Variants in KIAA1328 observed in about 807,000 individuals in gnomAD.
The protein encoded by KIAA1328 is protein hinderin.
In KIAA1328, 52 loss-of-function variants were observed where a neutral mutation model predicts 68.1. The observed-to-expected ratio is 0.76, with a 90% CI of 0.61 to 0.96. The LOEUF is 0.96. Among genes scored for constraint, KIAA1328 ranks in the 40% least tolerant of loss-of-function variants. The pLI is 0.00. For synonymous variants in KIAA1328, 232 were observed against 239.4 expected (o/e 0.97, Z 0.28); for missense variants, 641 against 677.6 (o/e 0.95, Z 0.60).
rs1278485974 is a variant in KIAA1328 at position 37,067,412 on chromosome 18, A to G, written c.1099A>G (p.Lys367Glu). Residue 367 changes from lysine to glutamate, a missense_variant, in exon 7 of 10, where the codon AAG (lysine) becomes GAG (glutamate). Physicochemically the swap from Lys to Glu is moderately conservative, Grantham distance 56. Coordinates refer to ENST00000280020, the MANE Select transcript of KIAA1328 (RefSeq NM_020776.3). Reference protein sequence around the residue: ...TLKKQISEDRKQQLMLQKMEL... With the variant: ...TLKKQISEDREQQLMLQKMEL... ...GAAAAAGCAGATCTCAGAAGATAGA[A>G]AGCAGCAACTGATGCTTCAGAAAAT... The G allele has an allele frequency of 6.2e-7, 1 of 1,610,526 alleles. No homozygotes were observed. The highest frequency in any genetic ancestry group is 8.5e-7 in the Non-Finnish European group (1 of 1,178,150).
intron 4 of KIAA1328, among the ~76,000 whole-genome samples, chr18:36,845,560 T>C (rs889653339): frequency 7.3e-5 from 11 of 151,716 alleles, no homozygotes; most frequent in African/African-American, 2.7e-4. Context: ...TAAAGGAAGC[T>C]GCAGACTGAG....
rs371086546 is a variant in KIAA1328 at position 37,070,342 on chromosome 18, T to C, written c.1232+2797T>C. 6.1e-4 allele frequency among the ~76,000 whole-genome samples: 93 copies of C among 152,306 alleles called. 1 individual carries two copies. The South Asian group carries it at 0.019, about 31-fold the overall frequency. ...TGTATCCTATTATTTGACAGTATTG[T>C]TGAGTTCTTCTATATTCTTGCTGAT... is the stretch of plus-strand genomic sequence containing the variant. On this transcript the variant is annotated intron_variant, in intron 7 of 9. Coordinates refer to ENST00000280020, the MANE Select transcript of KIAA1328 (RefSeq NM_020776.3).
Position 36,855,972 on chromosome 18 carries a change from G to A in KIAA1328, c.332+11670G>A, listed in dbSNP as rs140267507. Among the ~76,000 whole-genome samples, 391 of 151,744 alleles carry A rather than the reference G, an allele frequency of 2.6e-3. 2 individuals are homozygous for A. Among genetic ancestry groups the A allele is most frequent in the Middle Eastern group, 0.02 (6 of 294 alleles). On this transcript the variant is annotated intron_variant, in intron 4 of 9. Transcript: ENST00000280020. Reference sequence around the variant, plus strand: ...CCAGATATTGGATTGTTAGTTAACAGGATTTTTTTTTTCTTTCAGGATTTA... The same window carrying A: ...CCAGATATTGGATTGTTAGTTAACAAGATTTTTTTTTTCTTTCAGGATTTA...
At chr18:36,931,996 C>T (rs2050327141) in intron 5 of KIAA1328, among the ~76,000 whole-genome samples, 1 of 151,202 alleles carries the variant, frequency 6.6e-6, no homozygotes. Flanking sequence ...AACAGGTAAA[C>T]CATATGTACT....
intron 7 of KIAA1328, among the ~76,000 whole-genome samples, chr18:37,081,785 T>G (rs1234243122): frequency 6.6e-6 from 1 of 152,210 alleles, no homozygotes; most frequent in Non-Finnish European, 1.5e-5. Flanking sequence ...GCCATACCTT[T>G]TCCTCCGATT....
downstream of KIAA1328, chr18:37,230,277 G>A (rs1568560491): frequency 6.6e-6 from 1 of 152,230 alleles, no homozygotes; most frequent in Non-Finnish European, 1.5e-5. Flanking sequence ...TACTGCACAA[G>A]GCTCTTGGTG....
intron 5 of KIAA1328, among the ~76,000 whole-genome samples, chr18:36,929,344 C>T (rs1402840242): frequency 6.6e-6 from 1 of 152,188 alleles, no homozygotes; most frequent in Non-Finnish European, 1.5e-5. Context: ...CAGAAATGGG[C>T]ACCTCTCTTC....
Position 37,223,575 on chromosome 18 carries a change from C to T in KIAA1328, c.*1348C>T. ...CTGGAGGGTGTGGCTTTTTTTCTCT[C>T]CTTTTTACCAACCCCAACTAAACTG... On this transcript the variant is annotated 3_prime_UTR_variant, in exon 10 of 10. Coordinates refer to ENST00000280020, the MANE Select transcript of KIAA1328 (RefSeq NM_020776.3). 1 of 985,304 alleles carries T rather than the reference C, an allele frequency of 1.0e-6. No individual in the cohort carries two copies. The highest frequency in any genetic ancestry group is 1.7e-5 in the African/African-American group (1 of 57,316). The allele number at this position is 985,304 out of a possible 1,614,324, so 61.0% of individuals were successfully genotyped here. A position where few individuals can be genotyped will look rare whatever the true frequency, so the allele number is the denominator to read the frequency against.
chr18:36,941,745 CA>C (rs2050721518), intron 5 of KIAA1328, among the ~76,000 whole-genome samples: 1 of 152,012 alleles, frequency 6.6e-6, no homozygotes, highest in African/African-American at 2.4e-5. Flanking sequence ...ACCCTATTCA[CA>C]AATATAGAAG....
At chr18:37,098,620 T>G (rs1183329847) in intron 7 of KIAA1328, among the ~76,000 whole-genome samples, 1 of 152,228 alleles carries the variant, frequency 6.6e-6, no homozygotes, top group Non-Finnish European at 1.5e-5. Context: ...CCTATTTTTC[T>G]ATTGACTGGA....
At chr18:36,849,042 A>G (rs934839884) in intron 4 of KIAA1328, among the ~76,000 whole-genome samples, 1 of 151,862 alleles carries the variant, frequency 6.6e-6, no homozygotes, top group Admixed American at 6.6e-5. Context: ...TTACAGTAAG[A>G]TATACATAAA....
intron 6 of KIAA1328, among the ~76,000 whole-genome samples, chr18:36,982,146 A>T (rs921249698): frequency 1.1e-4 from 6 of 55,922 alleles, no homozygotes; most frequent in African/African-American, 2.0e-4. Flanking sequence ...AATATAAATA[A>T]ATATATATAA....
intron 5 of KIAA1328, among the ~76,000 whole-genome samples, chr18:36,890,824 TC>T (rs2048662548): frequency 1.3e-5 from 2 of 152,194 alleles, no homozygotes; most frequent in African/African-American, 2.4e-5. Flanking sequence ...TTCTCCTAGT[TC>T]ATATATGTGT....
intron 5 of KIAA1328, among the ~76,000 whole-genome samples, chr18:36,887,507 C>T (rs1437505730): frequency 6.6e-6 from 1 of 152,008 alleles, no homozygotes; most frequent in Non-Finnish European, 1.5e-5. Flanking sequence ...TCCATTAAGG[C>T]AGGCAGAAAA....
At chr18:37,149,375 C>T (rs926726044) in intron 7 of KIAA1328, among the ~76,000 whole-genome samples, 1 of 152,124 alleles carries the variant, frequency 6.6e-6, no homozygotes, top group Non-Finnish European at 1.5e-5. Context: ...AAAACTGAAA[C>T]TTGACCCCTT....
intron 9 of KIAA1328, among the ~76,000 whole-genome samples, chr18:37,199,179 C>T (rs748518712): frequency 6.6e-6 from 1 of 152,194 alleles, no homozygotes; most frequent in East Asian, 1.9e-4. Context: ...GTTTATTGTA[C>T]AGAATATTTT....
intron 5 of KIAA1328, among the ~76,000 whole-genome samples, chr18:36,942,036 A>G (rs1255248300): frequency 6.6e-6 from 1 of 152,226 alleles, no homozygotes; most frequent in Non-Finnish European, 1.5e-5. Flanking sequence ...AAACTGAAGT[A>G]TGCTTGTGGA....
intron 6 of KIAA1328, among the ~76,000 whole-genome samples, chr18:37,013,670 A>T (rs1238779466): frequency 6.6e-6 from 1 of 152,204 alleles, no homozygotes; most frequent in East Asian, 1.9e-4. Flanking sequence ...TGCAAAGGAC[A>T]TGATTCCATT....
In KIAA1328 at chr18:37,222,450, T is replaced by A; in HGVS notation, c.*223T>A. 7.2e-7 allele frequency: 1 copy of A among 1,385,052 alleles called. No individual in the cohort carries two copies. Among genetic ancestry groups the A allele is most frequent in the Non-Finnish European group, 9.3e-7 (1 of 1,070,474 alleles). 85.8% of individuals were successfully genotyped at this position (1,385,052 alleles called of 1,614,324 possible). Reference sequence around the variant, plus strand: ...CTAAGGGGGTAGGAATGGAAGATGGTATCTTTTATATGCTAAACAGATTAG... The same window carrying A: ...CTAAGGGGGTAGGAATGGAAGATGGAATCTTTTATATGCTAAACAGATTAG... On this transcript the variant is annotated 3_prime_UTR_variant, in exon 10 of 10. Transcript: ENST00000280020.
Sources: gnomAD v4.1 joint callset for allele counts (sites outside exome capture counted in the v4.1 genomes callset) on GRCh38, gnomAD v4.1.1 for gene constraint, MANE v1.5 for transcripts, NCBI Gene and HGNC (gene_info 2026-07-23, HGNC 2026-07-21) for gene names.